Variants in PPARGC1A observed in about 807,000 individuals in gnomAD.
The protein encoded by PPARGC1A is PPARG coactivator 1 alpha.
PPARGC1A carries 25 observed loss-of-function variants against 88.7 expected under a neutral mutation model. The observed-to-expected ratio is 0.28, with a 90% CI of 0.21 to 0.39. The LOEUF is 0.39. Ranked by LOEUF, PPARGC1A falls within the 10% of genes least tolerant of loss-of-function variation. The probability of loss-of-function intolerance (pLI) is 1.00; values close to 1 mark genes in which losing one functional copy is unlikely to be tolerated. For synonymous variants in PPARGC1A, 363 were observed against 355.6 expected (o/e 1.02, Z -0.24); for missense variants, 880 against 968.7 (o/e 0.91, Z 1.22).
chr4:24,041,039 G>A, the PPARGC1A span, among the ~76,000 whole-genome samples: 3 of 152,212 alleles, frequency 2.0e-5, no homozygotes, highest in African/African-American at 7.2e-5. Flanking sequence ...CATCTTGGCA[G>A]TGGGAGAACC....
the PPARGC1A span, among the ~76,000 whole-genome samples, chr4:24,406,277 C>T: frequency 6.6e-6 from 1 of 152,176 alleles, no homozygotes; most frequent in South Asian, 2.1e-4. Flanking sequence ...AGAAGTTAGG[C>T]TGCATGTAAA....
chr4:24,400,759 G>C, the PPARGC1A span, among the ~76,000 whole-genome samples: 1 of 152,134 alleles, frequency 6.6e-6, no homozygotes, highest in Non-Finnish European at 1.5e-5. Flanking sequence ...CTAGCTCATC[G>C]TAAGACTGTC....
At chr4:24,467,077 AAAG>A in the PPARGC1A span, among the ~76,000 whole-genome samples, 4 of 144,430 alleles carry the variant, frequency 2.8e-5, no homozygotes, top group African/African-American at 7.7e-5. Flanking sequence ...AGAAAGAAAG[AAAG>A]GGAGAGAGAG....
At chr4:24,294,831 C>A in the PPARGC1A span, among the ~76,000 whole-genome samples, 2 of 152,196 alleles carry the variant, frequency 1.3e-5, no homozygotes, top group Non-Finnish European at 2.9e-5. Context: ...CCAGGCAAAT[C>A]GTATCCATAA....
the PPARGC1A span, among the ~76,000 whole-genome samples, chr4:24,436,834 C>T: frequency 6.7e-6 from 1 of 149,908 alleles, no homozygotes; most frequent in Admixed American, 6.7e-5. Context: ...ACAGAGCTGA[C>T]ATCGATTGGC....
At chr4:24,305,133 G>GTATATATATATATATA in the PPARGC1A span, among the ~76,000 whole-genome samples, 363 of 142,898 alleles carry the variant, frequency 2.5e-3, no homozygotes, top group African/African-American at 3.3e-3. Flanking sequence ...ATATGTGTAT[G>GTATATATATATATATA]TATATATATA....
chr4:24,021,048 G>A, the PPARGC1A span, among the ~76,000 whole-genome samples: 1 of 152,118 alleles, frequency 6.6e-6, no homozygotes, highest in Non-Finnish European at 1.5e-5. Context: ...TGTATCTCTG[G>A]GCATGAAAGC....
chr4:24,022,543 T>C, the PPARGC1A span, among the ~76,000 whole-genome samples: 6 of 152,148 alleles, frequency 3.9e-5, no homozygotes, highest in Non-Finnish European at 8.8e-5. Context: ...ATGTGGCACA[T>C]GAGAGGTAAT....
chr4:23,980,681 C>T, the PPARGC1A span, among the ~76,000 whole-genome samples: 2 of 152,096 alleles, frequency 1.3e-5, no homozygotes, highest in Admixed American at 6.5e-5. Context: ...CAGCGGGGAC[C>T]CAAGGCATTT....
chr4:23,813,311 GCT>G (rs1298588218), intron 8 of PPARGC1A, among the ~76,000 whole-genome samples, 186 bp from the exon 9 acceptor site: 1 of 152,132 alleles, frequency 6.6e-6, no homozygotes, highest in Non-Finnish European at 1.5e-5. Flanking sequence ...GGAGTGATGT[GCT>G]CTCTCTCAGC....
At chr4:23,939,320 CA>C in the PPARGC1A span, among the ~76,000 whole-genome samples, 4 of 151,910 alleles carry the variant, frequency 2.6e-5, no homozygotes, top group Non-Finnish European at 5.9e-5. Flanking sequence ...TTTGAAATAC[CA>C]AAATGGCTCA....
chr4:23,855,677 T>G (rs572615272), intron 2 of PPARGC1A, among the ~76,000 whole-genome samples: 27 of 152,234 alleles, frequency 1.8e-4, no homozygotes, highest in Middle Eastern at 3.4e-3. Flanking sequence ...CCCAGACCCT[T>G]AAATAGCTTC....
At chr4:24,455,726 G>A in the PPARGC1A span, among the ~76,000 whole-genome samples, 3 of 152,166 alleles carry the variant, frequency 2.0e-5, no homozygotes, top group Admixed American at 6.5e-5. Flanking sequence ...TATTATAAGA[G>A]GGAGCTCACC....
At chr4:24,034,358 A>C in the PPARGC1A span, among the ~76,000 whole-genome samples, 1 of 152,232 alleles carries the variant, frequency 6.6e-6, no homozygotes. Flanking sequence ...CCTTATTTAG[A>C]CCCTCATTCA....
chr4:23,859,601 G>A lies in PPARGC1A; in HGVS notation c.234+25151C>T, dbSNP rs192202631. Among the ~76,000 whole-genome samples the A allele has an allele frequency of 1.6e-3, 239 of 152,074 alleles. 2 individuals are homozygous for A. The highest frequency in any genetic ancestry group is 5.6e-3 in the African/African-American group (232 of 41,484). On this transcript the variant is annotated intron_variant, in intron 2 of 12. Transcript: ENST00000264867. The stretch of plus-strand genomic sequence containing the variant: ...TCGAGACCATCCTGGCTAACACAGT[G>A]AAACCTCGTTTCTAGTAAAAATACA...
chr4:23,943,248 T>A, the PPARGC1A span, among the ~76,000 whole-genome samples: 3 of 152,182 alleles, frequency 2.0e-5, no homozygotes, highest in Non-Finnish European at 2.9e-5. Context: ...ATGCTTAAAT[T>A]CTCTGCTTAT....
At chr4:24,342,695 AC>A in the PPARGC1A span, among the ~76,000 whole-genome samples, 1 of 152,224 alleles carries the variant, frequency 6.6e-6, no homozygotes, top group Non-Finnish European at 1.5e-5. Context: ...GTGATTAAAA[AC>A]AAAACTACTT....
the PPARGC1A span, among the ~76,000 whole-genome samples, chr4:24,239,915 T>C: frequency 6.6e-6 from 1 of 152,044 alleles, no homozygotes; most frequent in Non-Finnish European, 1.5e-5. Flanking sequence ...GTCTCGCTTA[T>C]TCTCTCTCTG....
chr4:23,818,420 G>A (rs1722371616), intron 7 of PPARGC1A, among the ~76,000 whole-genome samples: 1 of 152,144 alleles, frequency 6.6e-6, no homozygotes, highest in Admixed American at 6.6e-5. Flanking sequence ...AGAGCCTGCT[G>A]TGCAGAGCAA....
Sources: allele counts gnomAD v4.1 joint callset (sites outside exome capture counted in the v4.1 genomes callset), GRCh38; gene constraint gnomAD v4.1.1; transcripts MANE v1.5; gene names NCBI Gene and HGNC (gene_info 2026-07-23, HGNC 2026-07-21).